Variants in CHST6 observed in about 807,000 individuals in gnomAD.
CHST6 encodes carbohydrate sulfotransferase 6, also known as N-acetylglucosamine 6-O-sulfotransferase 5.
For synonymous variants in CHST6, 309 were observed against 276.4 expected (o/e 1.12, Z -1.17); for missense variants, 698 against 586.2 (o/e 1.19, Z -1.97).
At chr16:75,493,520 A>AC (rs1382091769) in intron 1 of CHST6, among the ~76,000 whole-genome samples, 2 of 151,402 alleles carry the variant, frequency 1.3e-5, no homozygotes, top group African/African-American at 4.8e-5. Flanking sequence ...CCGTATCAAA[A>AC]AAAAAAAAAA....
intron 1 of CHST6, among the ~76,000 whole-genome samples, chr16:75,482,866 C>T (rs1384933265): frequency 6.6e-6 from 1 of 152,178 alleles, no homozygotes; most frequent in Admixed American, 6.5e-5. Context: ...GCAGCTCTGT[C>T]ACCAGCCGAC....
chr16:75,478,447 C>A lies in CHST6; in HGVS notation c.*194G>T, dbSNP rs1304906600. Reference sequence around the variant, plus strand: ...AAGAGTGCACCTGATGAGAAGGCAGCTCCAGAGGACTCAAAGGAAAACCAA... The same window carrying A: ...AAGAGTGCACCTGATGAGAAGGCAGATCCAGAGGACTCAAAGGAAAACCAA... On this transcript the variant is annotated 3_prime_UTR_variant, in exon 3 of 3. Transcript: ENST00000332272. The A allele has an allele frequency of 1.9e-5, 12 of 627,610 alleles. No individual in the cohort carries two copies. In the South Asian group the frequency reaches 2.3e-4, roughly 12 times the overall value. 38.9% of individuals were successfully genotyped at this position (627,610 alleles called of 1,614,324 possible). A position where few individuals can be genotyped will look rare whatever the true frequency, so the allele number is the denominator to read the frequency against.
intron 1 of CHST6, among the ~76,000 whole-genome samples, chr16:75,491,177 AAAAAAAAAAAAAAAT>A (rs1331039138): frequency 2.0e-4 from 16 of 78,158 alleles, no homozygotes; most frequent in African/African-American, 8.2e-4. Flanking sequence ...AAAAAAAAAA[AAAAAAAAAAAAAAAT>A]ATATATATAT....
chr16:75,491,241 AAT>A (rs1276671205), intron 1 of CHST6, among the ~76,000 whole-genome samples: 1 of 142,388 alleles, frequency 7.0e-6, no homozygotes, highest in African/African-American at 2.6e-5. Flanking sequence ...ACTTATATAT[AAT>A]ATATATAAAC....
At position 75,474,607 on chromosome 16, in the gene CHST6, G is replaced by A. The variant is rs1455131164; in HGVS notation, c.*4034C>T. On this transcript the variant is annotated 3_prime_UTR_variant, in exon 3 of 3. Coordinates refer to ENST00000332272, the MANE Select transcript of CHST6 (RefSeq NM_021615.5). Reference sequence around the variant, plus strand: ...ATATATAATAAATAGAAGTGTATTGGCTTACAGTTCTGGAGGCTGGGAAGC... The same window carrying A: ...ATATATAATAAATAGAAGTGTATTGACTTACAGTTCTGGAGGCTGGGAAGC... 3 of 398,764 alleles carry A rather than the reference G, an allele frequency of 7.5e-6. No homozygotes were observed. In the Admixed American group the frequency reaches 1.3e-4, roughly 18 times the overall value. The allele number at this position is 398,764 out of a possible 1,614,324, so 24.7% of individuals were successfully genotyped here.
At chr16:75,482,018 G>A (rs1232945310) in intron 1 of CHST6, 127 bp from the exon 2 acceptor site, 1 of 260,396 alleles carries the variant, frequency 3.8e-6, no homozygotes, top group African/African-American at 2.8e-5. Flanking sequence ...ACCTCTTAGG[G>A]CTGTGAGATG....
rs144366211 is a variant in CHST6, at chr16:75,485,250, A to C, written c.-91-3359T>G. On this transcript the variant is annotated intron_variant, in intron 1 of 2. Transcript: ENST00000332272. ...AGTCACAGAAACTTTTTTTGACATT[A>C]ACTCTTTTTAAAATTTATTTTTGTC... 1.2e-3 allele frequency among the ~76,000 whole-genome samples: 178 copies of C among 152,326 alleles called. 1 individual carries two copies. The Middle Eastern group carries it at 0.02, about 17-fold the overall frequency.
At chr16:75,480,231 T>C (rs2080124977) in intron 2 of CHST6, among the ~76,000 whole-genome samples, 1 of 152,172 alleles carries the variant, frequency 6.6e-6, no homozygotes, top group East Asian at 1.9e-4. Flanking sequence ...AAGGAAACTC[T>C]TTTAGGTTGT....
At position 75,478,958 on chromosome 16, in the gene CHST6, T is replaced by C. The variant is rs759564067; in HGVS notation, c.871A>G (p.Thr291Ala). ...LAEIRALYAF[T>A]GLSLTPQLEA... ...AGCTGTGGCGTGAGACTGAGCCCAGTGAAGGCGTAGAGCGCACGGATTTCT... is the reference window on the plus strand; with the variant it reads ...AGCTGTGGCGTGAGACTGAGCCCAGCGAAGGCGTAGAGCGCACGGATTTCT... The change falls in exon 3 of 3, where the codon ACT becomes GCT. Residue 291 changes from threonine to alanine, a missense_variant. Physicochemically the swap from Thr to Ala is moderately conservative, Grantham distance 58. Coordinates refer to ENST00000332272, the MANE Select transcript of CHST6 (RefSeq NM_021615.5). 16 of 1,612,878 alleles carry C rather than the reference T, an allele frequency of 9.9e-6. No individual in the cohort carries two copies. Among genetic ancestry groups the C allele is most frequent in the African/African-American group, 8.0e-5 (6 of 74,890 alleles).
At chr16:75,481,145 G>A (rs1454011882) in intron 2 of CHST6, among the ~76,000 whole-genome samples, 2 of 151,656 alleles carry the variant, frequency 1.3e-5, no homozygotes, top group Non-Finnish European at 2.9e-5. Context: ...GTGTGGTGGA[G>A]TGCGCCTGTG....
In CHST6 at chr16:75,473,401, A is replaced by C. The variant is rs2080035883; in HGVS notation, c.*5240T>G. ...TTCTCATGGTCTCTGCTTGTCCAGC[A>C]GGCTGGCCTGGGCTTTCTCCCGGGC... On this transcript the variant is annotated 3_prime_UTR_variant, in exon 3 of 3. Coordinates refer to ENST00000332272, the MANE Select transcript of CHST6 (RefSeq NM_021615.5). 6.6e-6 allele frequency: 1 copy of C among 152,326 alleles called. No homozygotes were observed. The highest frequency in any genetic ancestry group is 6.5e-5 in the Admixed American group (1 of 15,274). 9.4% of individuals were successfully genotyped at this position (152,326 alleles called of 1,614,324 possible).
intron 1 of CHST6, among the ~76,000 whole-genome samples, chr16:75,483,117 A>G (rs1045180273): frequency 6.6e-6 from 1 of 152,206 alleles, no homozygotes; most frequent in African/African-American, 2.4e-5. Context: ...GATGATGTCA[A>G]TTTTTCAGGT....
chr16:75,479,660 C>G lies in CHST6; in HGVS notation c.169G>C (p.Gly57Arg). ...SSWRSGSSFV[G>R]QLFNQHPDVF... Reference sequence around the variant, plus strand: ...TCGGGGTGCTGGTTGAAGAGTTGGCCCACGAAGGACGAGCCCGAGCGCCAC... The same window carrying G: ...TCGGGGTGCTGGTTGAAGAGTTGGCGCACGAAGGACGAGCCCGAGCGCCAC... The change falls in exon 3 of 3, where the codon GGC (glycine) becomes CGC (arginine). Residue 57 changes from glycine to arginine, a missense_variant. Coordinates refer to ENST00000332272, the MANE Select transcript of CHST6 (RefSeq NM_021615.5). 1.2e-6 allele frequency: 2 copies of G among 1,612,606 alleles called. No individual in the cohort carries two copies. Among genetic ancestry groups the G allele is most frequent in the Non-Finnish European group, 1.7e-6 (2 of 1,179,726 alleles).
At chr16:75,490,770 C>G (rs1364999292) in intron 1 of CHST6, 1 of 152,036 alleles carries the variant, frequency 6.6e-6, no homozygotes, top group South Asian at 2.1e-4. Flanking sequence ...CCCTAGAGAA[C>G]TGAACATACA....
chr16:75,487,395 T>C (rs999849118), intron 1 of CHST6, among the ~76,000 whole-genome samples: 3 of 152,144 alleles, frequency 2.0e-5, no homozygotes, highest in African/African-American at 7.2e-5. Context: ...CCGGGAGTGG[T>C]GGCTCACACC....
chr16:75,486,763 T>C (rs247444), intron 1 of CHST6, among the ~76,000 whole-genome samples: 22,867 of 152,134 alleles, frequency 0.15, 1,970 homozygotes, highest in South Asian at 0.25. Flanking sequence ...GCTTAAGTCC[T>C]TGGGAGATGA....
intron 1 of CHST6, among the ~76,000 whole-genome samples, chr16:75,493,742 A>G (rs1467774105): frequency 6.6e-6 from 1 of 152,184 alleles, no homozygotes; most frequent in African/African-American, 2.4e-5. Context: ...TGGCTCTACC[A>G]GATTCAGGTG....
chr16:75,475,877 G>A lies in CHST6; in HGVS notation c.*2764C>T, dbSNP rs372191769. On this transcript the variant is annotated 3_prime_UTR_variant, in exon 3 of 3. Transcript: ENST00000332272. ...CTGGCTGGGCATGAGATGGAGTCTT[G>A]CTCTGTCATCCAGGCTGGAGTGCAG... The A allele has an allele frequency of 6.6e-6, 1 of 152,242 alleles. No homozygotes were observed. Among genetic ancestry groups the A allele is most frequent in the East Asian group, 1.9e-4 (1 of 5,196 alleles). 9.4% of individuals were successfully genotyped at this position (152,242 alleles called of 1,614,324 possible).
rs190315233 is a variant in CHST6 at position 75,472,761 on chromosome 16, A to C, written c.*5880T>G. The C allele has an allele frequency of 8.5e-5, 13 of 152,298 alleles. No homozygotes were observed. Among genetic ancestry groups the C allele is most frequent in the Admixed American group, 2.6e-4 (4 of 15,286 alleles). 9.4% of individuals were successfully genotyped at this position (152,298 alleles called of 1,614,324 possible). On this transcript the variant is annotated 3_prime_UTR_variant, in exon 3 of 3. Coordinates refer to ENST00000332272, the MANE Select transcript of CHST6 (RefSeq NM_021615.5). ...TATCTTCTTGATGCAAAATAACAAA[A>C]ATAAGGCCCACCATTGATTCCCCAA... is the stretch of plus-strand genomic sequence containing the variant.
Sources: allele counts gnomAD v4.1 joint callset (sites outside exome capture counted in the v4.1 genomes callset), GRCh38; gene constraint gnomAD v4.1.1; transcripts MANE v1.5; gene names NCBI Gene and HGNC (gene_info 2026-07-23, HGNC 2026-07-21).